RNF115: variants seen among roughly 807,000 people sequenced by gnomAD.
RNF115 encodes the protein ring finger protein 115.
In RNF115, 31 loss-of-function variants were observed where a neutral mutation model predicts 39.2. The observed-to-expected ratio is 0.79, with a 90% confidence interval of 0.59 to 1.07. RNF115 has a LOEUF of 1.07. Ranked by LOEUF, RNF115 falls within the 50% of genes least tolerant of loss-of-function variation. The pLI is 0.00. For missense variants in RNF115, 384 were observed against 381.7 expected (o/e 1.01, Z -0.05); for synonymous variants, 124 against 131.0 (o/e 0.95, Z 0.37).
At chr1:145,820,699 G>A (rs1294325097) in intron 1 of RNF115, among the ~76,000 whole-genome samples, 2 of 152,140 alleles carry the variant, frequency 1.3e-5, no homozygotes, top group Admixed American at 6.5e-5. Flanking sequence ...TCGCACCACT[G>A]CACTCCAGCC....
At chr1:145,769,407 T>C (rs1449778794) in intron 4 of RNF115, among the ~76,000 whole-genome samples, 2 of 152,154 alleles carry the variant, frequency 1.3e-5, no homozygotes, top group Non-Finnish European at 2.9e-5. Flanking sequence ...AGAGACATAA[T>C]TACAATTATC....
At chr1:145,765,998 TTTTC>T (rs1417755536) in intron 4 of RNF115, among the ~76,000 whole-genome samples, 10 of 151,140 alleles carry the variant, frequency 6.6e-5, no homozygotes, top group African/African-American at 2.0e-4. Flanking sequence ...AAAGTACTCT[TTTTC>T]TTTTTTTTTT....
intron 2 of RNF115, among the ~76,000 whole-genome samples, chr1:145,788,360 G>A (rs782212931): frequency 6.6e-6 from 1 of 152,174 alleles, no homozygotes; most frequent in South Asian, 2.1e-4. Flanking sequence ...GGGATTACAG[G>A]CGTGAGCCAC....
chr1:145,778,753 C>T (rs1158313514), intron 3 of RNF115, among the ~76,000 whole-genome samples: 1 of 152,150 alleles, frequency 6.6e-6, no homozygotes, highest in Admixed American at 6.5e-5. Context: ...TAAAGGGCAT[C>T]ATATTGTATG....
chr1:145,823,866 T>C lies in RNF115; in HGVS notation c.8A>G (p.Glu3Gly), dbSNP rs587620914. The C allele has an allele frequency of 9.0e-6, 14 of 1,547,066 alleles. No homozygotes were observed. In the African/African-American group the frequency reaches 1.8e-4, roughly 20 times the overall value. ...CGAGTCCGCCCCGGCCGCCGAAGCC[T>C]CCGCCATTTTTGCCCTCCGCCGCGG... Reference protein sequence around the residue: MAEASAAGADSGA... With the variant: MAGASAAGADSGA... Residue 3 changes from glutamate to glycine, a missense_variant, in exon 1 of 9, where the codon GAG (glutamate) becomes GGG (glycine). Transcript: ENST00000582693.
chr1:145,757,481 GA>G (rs1658346276), intron 4 of RNF115, among the ~76,000 whole-genome samples: 1 of 152,182 alleles, frequency 6.6e-6, no homozygotes, highest in Admixed American at 6.5e-5. Flanking sequence ...CTGAAAGGTG[GA>G]AAAATAGTAC....
chr1:145,806,543 A>G (rs1159211366), intron 1 of RNF115, among the ~76,000 whole-genome samples: 3 of 152,144 alleles, frequency 2.0e-5, no homozygotes, highest in East Asian at 1.9e-4. Flanking sequence ...TTGATCCCCA[A>G]TGTTGGAGGT....
At chr1:145,799,259 G>A (rs1346184503) in intron 1 of RNF115, among the ~76,000 whole-genome samples, 5 of 151,956 alleles carry the variant, frequency 3.3e-5, no homozygotes, top group African/African-American at 4.8e-5. Flanking sequence ...GTAAAGACGG[G>A]GTTTCACCAT....
rs1439930630 is a variant in RNF115, at chr1:145,814,853, C to CA, written c.102+8918dup. ...GAATATATGTACTTCACTGTACATT[C>CA]AAATTTCACATGGTAGCACCTACAT... On this transcript the variant is annotated intron_variant, in intron 1 of 8. Coordinates refer to ENST00000582693, the MANE Select transcript of RNF115 (RefSeq NM_014455.4). 2.0e-5 allele frequency among the ~76,000 whole-genome samples: 3 copies of CA among 152,252 alleles called. No homozygotes were observed. In the East Asian group the frequency reaches 5.8e-4, roughly 29 times the overall value.
chr1:145,753,719 AT>A (rs1363016557), intron 4 of RNF115, among the ~76,000 whole-genome samples: 3 of 151,848 alleles, frequency 2.0e-5, no homozygotes, highest in East Asian at 1.9e-4. Context: ...ATGATATGCA[AT>A]TTTTTTTCTT....
At chr1:145,781,900 C>CTT (rs34615861) in intron 3 of RNF115, among the ~76,000 whole-genome samples, 121 of 135,524 alleles carry the variant, frequency 8.9e-4, no homozygotes, top group African/African-American at 1.9e-3. Flanking sequence ...TACACTTTTC[C>CTT]TTTTTTTTTT....
intron 1 of RNF115, among the ~76,000 whole-genome samples, chr1:145,797,599 G>T (rs1649041188): frequency 6.6e-6 from 1 of 152,162 alleles, no homozygotes; most frequent in South Asian, 2.1e-4. Context: ...AATGTGCTAT[G>T]AGCATAGGTG....
intron 3 of RNF115, among the ~76,000 whole-genome samples, chr1:145,774,533 T>C (rs1252821124): frequency 6.6e-6 from 1 of 152,070 alleles, no homozygotes; most frequent in African/African-American, 2.4e-5. Flanking sequence ...ATATTTGCAG[T>C]AGAGATGGGG....
At chr1:145,814,493 G>C (rs1649891104) in intron 1 of RNF115, among the ~76,000 whole-genome samples, 1 of 151,708 alleles carries the variant, frequency 6.6e-6, no homozygotes, top group South Asian at 2.1e-4. Context: ...TGAGGCAGGA[G>C]AATCACTTGA....
At chr1:145,752,583 C>CCCTTTTT (rs1571707739) in intron 5 of RNF115, among the ~76,000 whole-genome samples, 1 of 60,444 alleles carries the variant, frequency 1.7e-5, no homozygotes, top group East Asian at 6.8e-4. Flanking sequence ...ACCTATGCAG[C>CCCTTTTT]TCTTTTTTTT....
intron 1 of RNF115, among the ~76,000 whole-genome samples, chr1:145,805,133 A>C (rs1278630440): frequency 6.6e-6 from 1 of 152,220 alleles, no homozygotes; most frequent in Non-Finnish European, 1.5e-5. Flanking sequence ...CTTCTGACTG[A>C]GAACTCTTCA....
chr1:145,821,526 G>A (rs1211075482), intron 1 of RNF115, among the ~76,000 whole-genome samples: 3 of 84,738 alleles, frequency 3.5e-5, no homozygotes, highest in Admixed American at 1.3e-4. Context: ...GTGCAATGGT[G>A]CGATCTCAGC....
At position 145,743,075 on chromosome 1, in the gene RNF115, T is replaced by C. The variant is rs587625841; in HGVS notation, c.*3791A>G. The C allele has an allele frequency of 6.6e-6, 1 of 152,354 alleles. No homozygotes were observed. Among genetic ancestry groups the C allele is most frequent in the East Asian group, 1.9e-4 (1 of 5,192 alleles). The allele number at this position is 152,354 out of a possible 1,614,324, so 9.4% of individuals were successfully genotyped here. Reference sequence around the variant, plus strand: ...TGTATACATGTATCATTTCTGTTTTTCCTCATTGTGATGGTTAATCTTATG... The same window carrying C: ...TGTATACATGTATCATTTCTGTTTTCCCTCATTGTGATGGTTAATCTTATG... On this transcript the variant is annotated 3_prime_UTR_variant, in exon 9 of 9. Coordinates refer to ENST00000582693, the MANE Select transcript of RNF115 (RefSeq NM_014455.4).
At chr1:145,747,633 A>T (rs1237818574) in intron 8 of RNF115, among the ~76,000 whole-genome samples, 1 of 152,038 alleles carries the variant, frequency 6.6e-6, no homozygotes, top group Non-Finnish European at 1.5e-5. Context: ...ACAGAGTGAG[A>T]CTCTGTCTCA....
Sources: gnomAD v4.1 joint callset for allele counts (sites outside exome capture counted in the v4.1 genomes callset) on GRCh38, gnomAD v4.1.1 for gene constraint, MANE v1.5 for transcripts, NCBI Gene and HGNC (gene_info 2026-07-23, HGNC 2026-07-21) for gene names.